The following PRKN variants were observed in gnomAD, a reference collection of about 807,000 sequenced individuals.
The protein encoded by PRKN is E3 ubiquitin-protein ligase parkin.
Under a neutral mutation model 59.5 loss-of-function variants are expected in PRKN, and 56 were observed. That is an observed-to-expected ratio of 0.94 (90% CI 0.76 to 1.18). The LOEUF is 1.18. Among genes scored for constraint, PRKN ranks in the 50% most tolerant of loss-of-function variants. The pLI, the probability that PRKN is intolerant of heterozygous loss-of-function variation, is 0.00. For synonymous variants in PRKN, 250 were observed against 222.1 expected (o/e 1.13, Z -1.12); for missense variants, 657 against 596.4 (o/e 1.10, Z -1.06).
chr6:161,898,694 T>C (rs1257109822), intron 6 of PRKN, among the ~76,000 whole-genome samples: 1 of 152,142 alleles, frequency 6.6e-6, no homozygotes, highest in Non-Finnish European at 1.5e-5. Flanking sequence ...GAGTGATAGG[T>C]GGCAAGTTTC....
intron 2 of PRKN, among the ~76,000 whole-genome samples, chr6:162,364,666 T>C (rs569555658): frequency 6.4e-4 from 98 of 152,186 alleles, no homozygotes; most frequent in African/African-American, 2.3e-3. Flanking sequence ...TATCTTAACA[T>C]GCGGCGAGCT....
intron 1 of PRKN, among the ~76,000 whole-genome samples, chr6:162,557,817 C>A (rs1425953902): frequency 6.6e-6 from 1 of 152,110 alleles, no homozygotes; most frequent in Non-Finnish European, 1.5e-5. Context: ...GCGGATGGTG[C>A]TGTTAACAAC....
At chr6:162,691,850 C>T (rs1440811295) in intron 1 of PRKN, among the ~76,000 whole-genome samples, 1 of 152,194 alleles carries the variant, frequency 6.6e-6, no homozygotes, top group Non-Finnish European at 1.5e-5. Flanking sequence ...ACTGAAGCAG[C>T]AGTAGCAGCC....
intron 6 of PRKN, among the ~76,000 whole-genome samples, chr6:161,970,540 CT>C (rs905009182): frequency 2.1e-4 from 31 of 146,738 alleles, no homozygotes; most frequent in South Asian, 6.5e-4. Flanking sequence ...ACTTCTAACA[CT>C]TTTTTTTTTT....
chr6:162,083,750 T>C (rs960819322), intron 4 of PRKN, among the ~76,000 whole-genome samples: 1 of 152,062 alleles, frequency 6.6e-6, no homozygotes, highest in Non-Finnish European at 1.5e-5. Context: ...CAGAAGGATT[T>C]TGACAAAACA....
Position 162,139,890 on chromosome 6 carries a change from C to CAAA in PRKN, c.534+61238_534+61240dup, listed in dbSNP as rs35011084. On this transcript the variant is annotated intron_variant, in intron 4 of 11. Coordinates refer to ENST00000366898, the MANE Select transcript of PRKN (RefSeq NM_004562.3). Reference sequence around the variant, plus strand: ...AACCTGACAGAGCGAGACTCCATCTCAAAAAAAAAAAAAAATTATGAACCT... The same window carrying CAAA: ...AACCTGACAGAGCGAGACTCCATCTCAAAAAAAAAAAAAAAAAATTATGAACCT... Among the ~76,000 whole-genome samples the CAAA allele has an allele frequency of 4.5e-4, 62 of 137,884 alleles. 1 individual carries two copies. The highest frequency in any genetic ancestry group is 1.7e-3 in the South Asian group (7 of 4,224). 90.5% of individuals were successfully genotyped at this position (137,884 alleles called of 152,430 possible).
chr6:161,670,321 G>A (rs769527100), intron 7 of PRKN, among the ~76,000 whole-genome samples: 3 of 152,118 alleles, frequency 2.0e-5, no homozygotes, highest in Non-Finnish European at 4.4e-5. Flanking sequence ...GCATCCTCTC[G>A]CAGTTCTGGA....
intron 6 of PRKN, among the ~76,000 whole-genome samples, chr6:161,911,935 T>C (rs1318757601): frequency 6.6e-6 from 1 of 152,100 alleles, no homozygotes; most frequent in African/African-American, 2.4e-5. Flanking sequence ...CCCAGCACTT[T>C]GGGAGGCCGA....
chr6:161,639,220 C>G (rs1783646742), intron 7 of PRKN, among the ~76,000 whole-genome samples: 1 of 152,172 alleles, frequency 6.6e-6, no homozygotes, highest in Non-Finnish European at 1.5e-5. Context: ...TCAGGTACAA[C>G]TTTATTAGCA....
chr6:162,253,765 A>T (rs948857492), intron 3 of PRKN, among the ~76,000 whole-genome samples: 7 of 152,028 alleles, frequency 4.6e-5, no homozygotes, highest in Non-Finnish European at 1.0e-4. Flanking sequence ...AACTATTATT[A>T]AAAAAGAGGC....
chr6:162,558,586 C>A (rs1333015037), intron 1 of PRKN, among the ~76,000 whole-genome samples: 3 of 152,056 alleles, frequency 2.0e-5, no homozygotes, highest in African/African-American at 7.2e-5. Flanking sequence ...GCCTCAGCCT[C>A]CCAAAGTGCT....
chr6:161,812,301 G>C (rs1055976631), intron 6 of PRKN, among the ~76,000 whole-genome samples: 4 of 152,114 alleles, frequency 2.6e-5, no homozygotes, highest in Middle Eastern at 3.2e-3. Flanking sequence ...GCTAAGGCAG[G>C]GGGTGGGAGT....
intron 2 of PRKN, among the ~76,000 whole-genome samples, chr6:162,380,200 G>A (rs1786353435): frequency 6.6e-6 from 1 of 151,940 alleles, no homozygotes; most frequent in Non-Finnish European, 1.5e-5. Context: ...AAATGCTGAT[G>A]TGGCTTATTA....
At chr6:162,648,689 T>A (rs900698448) in intron 1 of PRKN, among the ~76,000 whole-genome samples, 2 of 152,148 alleles carry the variant, frequency 1.3e-5, no homozygotes, top group Non-Finnish European at 2.9e-5. Flanking sequence ...GCCAGTGTTC[T>A]CTCTTTTAAA....
At chr6:162,455,429 T>A (rs577291357) in intron 1 of PRKN, among the ~76,000 whole-genome samples, 1 of 152,330 alleles carries the variant, frequency 6.6e-6, no homozygotes, top group South Asian at 2.1e-4. Flanking sequence ...TATGATATAG[T>A]ATATTGCCCC....
chr6:162,057,444 A>G (rs1310068111), intron 4 of PRKN, among the ~76,000 whole-genome samples: 6 of 152,186 alleles, frequency 3.9e-5, no homozygotes, highest in Non-Finnish European at 7.3e-5. Context: ...TTTTATTAGA[A>G]GGTTGTCTGC....
At position 162,125,864 on chromosome 6, in the gene PRKN, C is replaced by T. The variant is rs2023052; in HGVS notation, c.535-71690G>A. 1.6e-4 allele frequency among the ~76,000 whole-genome samples: 24 copies of T among 152,204 alleles called. No individual in the cohort carries two copies. In the East Asian group the frequency reaches 4.3e-3, roughly 27 times the overall value. On this transcript the variant is annotated intron_variant, in intron 4 of 11. Transcript: ENST00000366898. Reference sequence around the variant, plus strand: ...CATGTCTTGTCTAGGTTTGTGACTCCGTTACAGTTGGAGGGTGAATTGCTG... The same window carrying T: ...CATGTCTTGTCTAGGTTTGTGACTCTGTTACAGTTGGAGGGTGAATTGCTG...
chr6:162,292,758 T>A (rs1781499579), intron 2 of PRKN, among the ~76,000 whole-genome samples: 1 of 152,124 alleles, frequency 6.6e-6, no homozygotes, highest in Non-Finnish European at 1.5e-5. Context: ...CTTTCGGTAG[T>A]GATGGAGATG....
intron 6 of PRKN, among the ~76,000 whole-genome samples, chr6:161,944,380 T>C (rs1779705327): frequency 6.6e-6 from 1 of 152,198 alleles, no homozygotes; most frequent in African/African-American, 2.4e-5. Flanking sequence ...CCACATTCCC[T>C]GCAAGGCCCG....
Sources: allele counts gnomAD v4.1 joint callset (sites outside exome capture counted in the v4.1 genomes callset), GRCh38; gene constraint gnomAD v4.1.1; transcripts MANE v1.5; gene names NCBI Gene and HGNC (gene_info 2026-07-23, HGNC 2026-07-21).